TXNRD2: variants seen among roughly 807,000 people sequenced by gnomAD.
TXNRD2 encodes the protein thioredoxin reductase 2.
TXNRD2 carries 67 observed loss-of-function variants against 70.8 expected under a neutral mutation model. The observed-to-expected ratio is 0.95, with a 90% CI of 0.78 to 1.16. TXNRD2 has a LOEUF of 1.16. Ranked by LOEUF, TXNRD2 falls within the 50% of genes most tolerant of loss-of-function variation. The probability of loss-of-function intolerance (pLI) is 0.00; values close to 1 mark genes in which losing one functional copy is unlikely to be tolerated. For missense variants in TXNRD2, 644 were observed against 719.9 expected, an observed-to-expected ratio of 0.89 and a Z score of 1.21; for synonymous variants, 301 against 295.8, an observed-to-expected ratio of 1.02 and a Z score of -0.18.
intron 17 of TXNRD2, 171 bp downstream of exon 17, chr22:19,876,869 A>G: frequency 2.2e-6 from 1 of 451,882 alleles, no homozygotes; most frequent in South Asian, 6.3e-5. Context: ...GGCCCCTGGG[A>G]ACTTCCCCTT....
At chr22:19,895,058 A>C in intron 11 of TXNRD2, 1 of 1,584,772 alleles carries the variant, frequency 6.3e-7, no homozygotes, top group Admixed American at 1.8e-5. Flanking sequence ...CTTAATAAGC[A>C]ATTGCTCAAG....
At chr22:19,927,186 C>T (rs1455943136) in intron 2 of TXNRD2, among the ~76,000 whole-genome samples, 2 of 152,012 alleles carry the variant, frequency 1.3e-5, no homozygotes, top group South Asian at 2.1e-4. Flanking sequence ...CCCAGCTACT[C>T]GGGAGGCTGA....
chr22:19,901,944 A>G (rs1939797063), intron 8 of TXNRD2, among the ~76,000 whole-genome samples: 1 of 152,150 alleles, frequency 6.6e-6, no homozygotes, highest in Non-Finnish European at 1.5e-5. Flanking sequence ...CATGTGTGCA[A>G]TCCCAGCACT....
intron 11 of TXNRD2, among the ~76,000 whole-genome samples, chr22:19,887,089 C>A (rs1409725443): frequency 6.6e-6 from 1 of 152,198 alleles, no homozygotes; most frequent in Non-Finnish European, 1.5e-5. Context: ...TTTTTGGCCA[C>A]GTGTTTATGA....
chr22:19,886,463 G>C (rs1438946917), intron 11 of TXNRD2, among the ~76,000 whole-genome samples: 1 of 152,246 alleles, frequency 6.6e-6, no homozygotes, highest in Non-Finnish European at 1.5e-5. Flanking sequence ...GACGACTTGT[G>C]CCAAGGTGGG....
intron 1 of TXNRD2, among the ~76,000 whole-genome samples, chr22:19,941,123 C>G (rs1941697697): frequency 6.6e-6 from 1 of 152,162 alleles, no homozygotes; most frequent in Non-Finnish European, 1.5e-5. Context: ...CCACACATAA[C>G]AGATATGGTG....
At chr22:19,899,110 C>A (rs533263087) in intron 8 of TXNRD2, 42 bp from the exon 9 acceptor site, 110 of 1,605,744 alleles carry the variant, frequency 6.9e-5, no homozygotes, top group Non-Finnish European at 9.0e-5. Flanking sequence ...AAGCTGAGGC[C>A]CTTATTGACC....
chr22:19,896,159 G>C (rs1175282229), intron 10 of TXNRD2, among the ~76,000 whole-genome samples: 1 of 151,952 alleles, frequency 6.6e-6, no homozygotes, highest in Non-Finnish European at 1.5e-5. Flanking sequence ...TTAGCCAGGC[G>C]TGGTGGCAGG....
rs1601385388 is a variant in TXNRD2 at position 19,881,138 on chromosome 22, C to T, written c.1087-421G>A. ...GGGACCCCAAAGCGTTCCATGTGCT[C>T]CTGACGTGCAGCTTGATCTGCACGT... On this transcript the variant is annotated intron_variant, in intron 12 of 17. Transcript: ENST00000400521. The T allele has an allele frequency of 6.7e-6, 3 of 448,366 alleles. No homozygotes were observed. The East Asian group carries it at 9.7e-5, about 14-fold the overall frequency. 27.8% of individuals were successfully genotyped at this position (448,366 alleles called of 1,614,324 possible).
intron 8 of TXNRD2, among the ~76,000 whole-genome samples, chr22:19,909,892 CA>C (rs1940311545): frequency 3.2e-5 from 1 of 31,224 alleles, no homozygotes; most frequent in Non-Finnish European, 5.5e-5. Flanking sequence ...ACCACTCACA[CA>C]CACACACACC....
At chr22:19,932,529 A>G in intron 1 of TXNRD2, 1 of 1,540,710 alleles carries the variant, frequency 6.5e-7, no homozygotes, top group Non-Finnish European at 8.8e-7. Context: ...GAGGGGAAGT[A>G]CACTGAACTG....
intron 8 of TXNRD2, chr22:19,903,008 G>A (rs371138285): frequency 1.5e-5 from 8 of 518,778 alleles, no homozygotes; most frequent in African/African-American, 1.3e-4. Context: ...CCTTAAACCA[G>A]CCCAAGTTAT....
At chr22:19,908,731 T>A (rs1329077299) in intron 8 of TXNRD2, among the ~76,000 whole-genome samples, 2 of 152,190 alleles carry the variant, frequency 1.3e-5, no homozygotes, top group African/African-American at 4.8e-5. Context: ...AACTTGGGTG[T>A]CCACTGACAG....
chr22:19,909,567 T>TACACACACCATTCACAC (rs1555911477), intron 8 of TXNRD2, among the ~76,000 whole-genome samples: 1 of 94,990 alleles, frequency 1.1e-5, no homozygotes, highest in Non-Finnish European at 2.1e-5. Context: ...ACTACTCACA[T>TACACACACCATTCACAC]ACACACACCA....
chr22:19,901,190 G>A (rs557468249), intron 8 of TXNRD2, among the ~76,000 whole-genome samples: 5 of 152,340 alleles, frequency 3.3e-5, no homozygotes, highest in Non-Finnish European at 5.9e-5. Context: ...TGACCCACCA[G>A]GCCTGGATTG....
intron 8 of TXNRD2, among the ~76,000 whole-genome samples, chr22:19,907,340 A>G (rs1234853068): frequency 3.5e-4 from 5 of 14,254 alleles, no homozygotes; most frequent in East Asian, 2.2e-3. Context: ...GGGCACCGTA[A>G]GTAGCAGTGA....
intron 5 of TXNRD2, chr22:19,916,225 C>T (rs1940632929): frequency 6.7e-6 from 2 of 299,116 alleles, no homozygotes; most frequent in Admixed American, 4.7e-5. Context: ...ATGGTGTCAC[C>T]TTCTGATTTC....
intron 2 of TXNRD2, among the ~76,000 whole-genome samples, chr22:19,922,258 C>CT (rs1258335898): frequency 6.6e-6 from 1 of 152,116 alleles, no homozygotes; most frequent in African/African-American, 2.4e-5. Context: ...CTATTCCATA[C>CT]TTTTTTATTT....
intron 7 of TXNRD2, among the ~76,000 whole-genome samples, chr22:19,912,794 G>C (rs1028825617): frequency 2.0e-5 from 3 of 152,242 alleles, no homozygotes; most frequent in African/African-American, 7.2e-5. Flanking sequence ...CGGCCTCTAA[G>C]GACTGGGGGT....
Sources: gnomAD v4.1 joint callset for allele counts (sites outside exome capture counted in the v4.1 genomes callset) on GRCh38, gnomAD v4.1.1 for gene constraint, MANE v1.5 for transcripts, NCBI Gene and HGNC (gene_info 2026-07-23, HGNC 2026-07-21) for gene names.